Variants in DEPTOR observed in about 807,000 individuals in gnomAD.
DEPTOR encodes the protein DEP domain-containing mTOR-interacting protein.
In DEPTOR, 41 loss-of-function variants were observed where a neutral mutation model predicts 41.6. The observed-to-expected ratio is 0.98, with a 90% confidence interval of 0.77 to 1.28. DEPTOR has a LOEUF of 1.28. Among genes scored for constraint, DEPTOR ranks in the 50% most tolerant of loss-of-function variants. The pLI, the probability that DEPTOR is intolerant of heterozygous loss-of-function variation, is 0.00. For synonymous variants in DEPTOR, 195 were observed against 192.3 expected, an observed-to-expected ratio of 1.01 and a Z score of -0.12; for missense variants, 514 against 527.9, an observed-to-expected ratio of 0.97 and a Z score of 0.26.
chr8:120,009,888 C>T (rs1307120279), intron 8 of DEPTOR, among the ~76,000 whole-genome samples: 30 of 152,064 alleles, frequency 2.0e-4, no homozygotes, highest in Non-Finnish European at 2.1e-4. Flanking sequence ...ACATGTTTCC[C>T]CTCAACCAAT....
intron 1 of DEPTOR, among the ~76,000 whole-genome samples, chr8:119,904,303 G>T: frequency 6.6e-6 from 1 of 151,718 alleles, no homozygotes; most frequent in Non-Finnish European, 1.5e-5. Flanking sequence ...ATTTTTAGTA[G>T]AGACAGGGTT....
chr8:120,049,391 T>A (rs868460748), intron 8 of DEPTOR, among the ~76,000 whole-genome samples, 185 bp from the exon 9 acceptor site: 43 of 149,720 alleles, frequency 2.9e-4, no homozygotes, highest in Middle Eastern at 3.4e-3. Flanking sequence ...TTTTTTTTTT[T>A]AAATTATACT....
At chr8:119,957,230 A>C (rs1563975727) in intron 3 of DEPTOR, among the ~76,000 whole-genome samples, 1 of 152,202 alleles carries the variant, frequency 6.6e-6, no homozygotes, top group South Asian at 2.1e-4. Flanking sequence ...GATGTATAGC[A>C]GGAGAATGCA....
At chr8:119,976,220 CAAG>C (rs1828695240) in intron 4 of DEPTOR, among the ~76,000 whole-genome samples, 2 of 151,948 alleles carry the variant, frequency 1.3e-5, no homozygotes, top group African/African-American at 2.4e-5. Flanking sequence ...ACTTGCAAGT[CAAG>C]AAGAAGAAAT....
At chr8:119,915,674 G>A (rs1827801707) in intron 1 of DEPTOR, among the ~76,000 whole-genome samples, 1 of 152,164 alleles carries the variant, frequency 6.6e-6, no homozygotes, top group Admixed American at 6.5e-5. Context: ...TATTGGCAAG[G>A]ACTTGAACTA....
chr8:120,048,160 G>A (rs761277484), intron 8 of DEPTOR, among the ~76,000 whole-genome samples: 6 of 152,168 alleles, frequency 3.9e-5, no homozygotes, highest in Non-Finnish European at 8.8e-5. Flanking sequence ...CTCTTATTTG[G>A]CAGTGCAAAA....
At chr8:119,918,851 C>T (rs1042267576) in intron 1 of DEPTOR, among the ~76,000 whole-genome samples, 21 of 152,120 alleles carry the variant, frequency 1.4e-4, no homozygotes, top group African/African-American at 5.1e-4. Flanking sequence ...GCCTCAGACC[C>T]CCAAAATGCT....
At chr8:119,879,260 C>A (rs1025749695) in intron 1 of DEPTOR, among the ~76,000 whole-genome samples, 1 of 152,106 alleles carries the variant, frequency 6.6e-6, no homozygotes, top group Non-Finnish European at 1.5e-5. Context: ...AATGGTACAG[C>A]CCCTTTGGAA....
At chr8:119,932,807 C>T (rs563972804) in intron 3 of DEPTOR, among the ~76,000 whole-genome samples, 11 of 152,124 alleles carry the variant, frequency 7.2e-5, no homozygotes, top group South Asian at 4.2e-4. Context: ...TCGGGGAAGA[C>T]GTTTTTGAAG....
At chr8:119,982,795 C>G (rs947970426) in intron 4 of DEPTOR, among the ~76,000 whole-genome samples, 1 of 152,166 alleles carries the variant, frequency 6.6e-6, no homozygotes, top group Non-Finnish European at 1.5e-5. Flanking sequence ...CAAGACTTTG[C>G]TTTTTATCTG....
At chr8:120,003,144 A>T (rs1812382284) in intron 6 of DEPTOR, 33 bp downstream of exon 6, 3 of 1,601,712 alleles carry the variant, frequency 1.9e-6, no homozygotes, top group Non-Finnish European at 2.6e-6. Context: ...CGCTCCTAAG[A>T]CTGTGGGGAC....
chr8:119,989,569 A>G (rs1291918478), intron 4 of DEPTOR, among the ~76,000 whole-genome samples: 1 of 152,190 alleles, frequency 6.6e-6, no homozygotes, highest in African/African-American at 2.4e-5. Context: ...TCTAAGCCCC[A>G]GTTTCCTTAT....
At chr8:120,039,980 A>G (rs1813036317) in intron 8 of DEPTOR, among the ~76,000 whole-genome samples, 1 of 152,034 alleles carries the variant, frequency 6.6e-6, no homozygotes, top group East Asian at 1.9e-4. Context: ...AGTAGCTGGG[A>G]CTACAGGCAC....
intron 1 of DEPTOR, among the ~76,000 whole-genome samples, chr8:119,911,025 T>C (rs1827729253): frequency 6.6e-6 from 1 of 152,146 alleles, no homozygotes; most frequent in Non-Finnish European, 1.5e-5. Flanking sequence ...TGGTGGGTGC[T>C]GTTTTATCTT....
chr8:119,950,855 C>T (rs1828343266), intron 3 of DEPTOR, among the ~76,000 whole-genome samples: 1 of 152,180 alleles, frequency 6.6e-6, no homozygotes, highest in Admixed American at 6.5e-5. Flanking sequence ...ACCTCGGCCT[C>T]CCAAAGTGCT....
chr8:120,009,779 A>C (rs1812503055), intron 8 of DEPTOR, among the ~76,000 whole-genome samples: 2 of 152,184 alleles, frequency 1.3e-5, no homozygotes, highest in African/African-American at 2.4e-5. Flanking sequence ...AATGGGGTTA[A>C]AATGAAGCCA....
intron 8 of DEPTOR, among the ~76,000 whole-genome samples, chr8:120,025,186 G>C (rs1250529441): frequency 6.6e-6 from 1 of 152,204 alleles, no homozygotes; most frequent in Non-Finnish European, 1.5e-5. Context: ...TAAAGACTGT[G>C]ATATGTGCAT....
chr8:119,898,073 T>A (rs1369997888), intron 1 of DEPTOR, among the ~76,000 whole-genome samples: 1 of 152,230 alleles, frequency 6.6e-6, no homozygotes, highest in Non-Finnish European at 1.5e-5. Flanking sequence ...TATGGCTACC[T>A]GTATAATAAA....
Position 119,920,980 on chromosome 8 carries a change from G to GTT in DEPTOR, c.123-7407_123-7406dup, listed in dbSNP as rs577020017. 3.0e-3 allele frequency among the ~76,000 whole-genome samples: 396 copies of GTT among 130,946 alleles called. 2 individuals carry two copies. The highest frequency in any genetic ancestry group is 9.8e-3 in the African/African-American group (330 of 33,616). The allele number at this position is 130,946 out of a possible 152,430, so 85.9% of individuals were successfully genotyped here. ...TTCCTCGATGACTTTTAGCACTGAG[G>GTT]TTTTTTTTTTTTTTGAGACAGGGTC... On this transcript the variant is annotated intron_variant, in intron 1 of 8. Transcript: ENST00000286234.
Sources: gnomAD v4.1 joint callset for allele counts (sites outside exome capture counted in the v4.1 genomes callset) on GRCh38, gnomAD v4.1.1 for gene constraint, MANE v1.5 for transcripts, NCBI Gene and HGNC (gene_info 2026-07-23, HGNC 2026-07-21) for gene names.